Variants in TACC2 observed in about 807,000 individuals in gnomAD.
TACC2 encodes transforming acidic coiled-coil-containing protein 2.
TACC2 carries 137 observed loss-of-function variants against 227.3 expected under a neutral mutation model. That is an observed-to-expected ratio of 0.60 (90% CI 0.52 to 0.69). TACC2 has a LOEUF of 0.69. Among genes scored for constraint, TACC2 ranks in the 30% least tolerant of loss-of-function variants. TACC2 has a pLI of 0.00. For synonymous variants in TACC2, 1,523 were observed against 1,487.5 expected, an observed-to-expected ratio of 1.02 and a Z score of -0.55; for missense variants, 3,470 against 3,694.4, an observed-to-expected ratio of 0.94 and a Z score of 1.57.
intron 9 of TACC2, among the ~76,000 whole-genome samples, chr10:122,214,442 A>T (rs913823544): frequency 3.3e-5 from 5 of 152,148 alleles, no homozygotes; most frequent in Non-Finnish European, 7.4e-5. Context: ...CCCAGTTAAC[A>T]TGCAAAGCAG....
chr10:122,186,763 G>A (rs187859478), intron 7 of TACC2, among the ~76,000 whole-genome samples: 22 of 152,132 alleles, frequency 1.4e-4, no homozygotes, highest in East Asian at 7.8e-4. Context: ...TCTGCCCACC[G>A]TGGCCTCCCA....
At chr10:122,017,022 A>C (rs1452166359) in intron 1 of TACC2, among the ~76,000 whole-genome samples, 4 of 152,168 alleles carry the variant, frequency 2.6e-5, no homozygotes, top group Admixed American at 1.3e-4. Flanking sequence ...GACTCAGAAG[A>C]CACCAACCCG....
intron 7 of TACC2, among the ~76,000 whole-genome samples, chr10:122,158,097 G>A (rs554789631): frequency 2.0e-5 from 3 of 152,058 alleles, no homozygotes; most frequent in East Asian, 1.9e-4. Flanking sequence ...AGTGAGTCTC[G>A]ACTGGCTGTG....
intron 7 of TACC2, among the ~76,000 whole-genome samples, chr10:122,176,141 A>ATATATATC (rs1555104493): frequency 6.9e-6 from 1 of 144,202 alleles, no homozygotes; most frequent in East Asian, 2.1e-4. Context: ...ATATATATAT[A>ATATATATC]TATATGAAGA....
At chr10:122,189,246 AAT>A (rs2094325094) in intron 7 of TACC2, among the ~76,000 whole-genome samples, 1 of 152,170 alleles carries the variant, frequency 6.6e-6, no homozygotes, top group South Asian at 2.1e-4. Flanking sequence ...TATTTTGTTG[AAT>A]AGAATCTAGC....
intron 3 of TACC2, among the ~76,000 whole-genome samples, chr10:122,073,608 C>T (rs1057115370): frequency 3.3e-5 from 5 of 152,088 alleles, no homozygotes; most frequent in South Asian, 2.1e-4. Flanking sequence ...AAAAAGGCAA[C>T]GGAAGGTTTC....
chr10:122,091,715 G>A (rs574056906), intron 5 of TACC2, among the ~76,000 whole-genome samples: 71 of 152,298 alleles, frequency 4.7e-4, no homozygotes, highest in African/African-American at 1.5e-3. Context: ...ACCTGGGCTG[G>A]TCTCGGAGGA....
At chr10:122,056,268 G>A (rs113436953) in intron 3 of TACC2, among the ~76,000 whole-genome samples, 3,868 of 152,246 alleles carry the variant, frequency 0.025, 162 homozygotes, top group African/African-American at 0.086. Flanking sequence ...TCCGCCTCCC[G>A]GGTTCTAGCG....
chr10:122,051,611 A>G (rs1034488768), intron 3 of TACC2: 1 of 152,194 alleles, frequency 6.6e-6, no homozygotes, highest in Non-Finnish European at 1.5e-5. Context: ...CCCAGCTCTC[A>G]GGAGTGTATC....
chr10:122,082,413 A>G (rs1227424433), intron 3 of TACC2, among the ~76,000 whole-genome samples: 1 of 152,076 alleles, frequency 6.6e-6, no homozygotes, highest in Admixed American at 6.6e-5. Context: ...GAAGGCCCAC[A>G]CTGAGTGTTT....
At chr10:122,235,708 G>C (rs988529826) in intron 16 of TACC2, among the ~76,000 whole-genome samples, 3 of 152,106 alleles carry the variant, frequency 2.0e-5, no homozygotes, top group African/African-American at 7.2e-5. Context: ...GTGAGGCTCC[G>C]GCCCTGCGGC....
intron 11 of TACC2, among the ~76,000 whole-genome samples, chr10:122,220,189 A>G (rs1055725963): frequency 3.9e-5 from 6 of 152,200 alleles, no homozygotes; most frequent in East Asian, 1.9e-4. Context: ...TTTTAGGGCT[A>G]ATATATACCT....
intron 5 of TACC2, among the ~76,000 whole-genome samples, chr10:122,098,451 G>A (rs1375482354): frequency 6.6e-6 from 1 of 152,150 alleles, no homozygotes; most frequent in Non-Finnish European, 1.5e-5. Flanking sequence ...CCTGAAAAAC[G>A]AGGTCAGACA....
chr10:122,147,876 T>G (rs1340461432), intron 7 of TACC2, among the ~76,000 whole-genome samples: 6 of 152,164 alleles, frequency 3.9e-5, no homozygotes, highest in Non-Finnish European at 8.8e-5. Context: ...TGGGGCTCCC[T>G]GACAGCTGTG....
At chr10:122,143,119 C>T (rs2090876275) in intron 6 of TACC2, among the ~76,000 whole-genome samples, 1 of 152,212 alleles carries the variant, frequency 6.6e-6, no homozygotes, top group Non-Finnish European at 1.5e-5. Flanking sequence ...ATCCTTTTCC[C>T]CTGGATTTTT....
intron 8 of TACC2, among the ~76,000 whole-genome samples, chr10:122,197,118 A>C (rs1593208524): frequency 6.9e-6 from 1 of 145,028 alleles, no homozygotes; most frequent in Admixed American, 6.9e-5. Flanking sequence ...GAAATTAGCC[A>C]GGCATGGTGC....
rs774950419 is a variant in TACC2, at chr10:122,249,681, G to A, written c.8781+17G>A. ...GAGCAGAAGGTAATAGGGGAGGGGT[G>A]TGGCCTCCAGGTGGGCCGGGCTGCT... On this transcript the variant is annotated intron_variant, in intron 22 of 22. Transcript: ENST00000369005. 33 of 1,605,242 alleles carry A rather than the reference G, an allele frequency of 2.1e-5. 1 individual carries two copies. The South Asian group carries it at 3.4e-4, about 17-fold the overall frequency.
In TACC2 at chr10:122,056,629, A is replaced by T. The variant is rs146387711; in HGVS notation, c.146+6079A>T. On this transcript the variant is annotated intron_variant, in intron 3 of 22. Coordinates refer to ENST00000369005, the MANE Select transcript of TACC2 (RefSeq NM_206862.4). Reference sequence around the variant, plus strand: ...AAGCCTTCCCTGAGAGCTGGAGTGGACAAGGAGGGTCTCCTGGCAGGGGTG... The same window carrying T: ...AAGCCTTCCCTGAGAGCTGGAGTGGTCAAGGAGGGTCTCCTGGCAGGGGTG... Among the ~76,000 whole-genome samples the T allele has an allele frequency of 7.2e-3, 1,099 of 152,298 alleles. 16 individuals are homozygous for T. The highest frequency in any genetic ancestry group is 0.025 in the African/African-American group (1,042 of 41,554).
chr10:121,994,731 G>C (rs1176601812), intron 1 of TACC2: 3 of 152,606 alleles, frequency 2.0e-5, no homozygotes, highest in African/African-American at 7.2e-5. Flanking sequence ...CTCAGACTGA[G>C]GGCTTCTTCC....
Sources: gnomAD v4.1 joint callset for allele counts (sites outside exome capture counted in the v4.1 genomes callset) on GRCh38, gnomAD v4.1.1 for gene constraint, MANE v1.5 for transcripts, NCBI Gene and HGNC (gene_info 2026-07-23, HGNC 2026-07-21) for gene names.